HDDC2: variants seen among roughly 807,000 people sequenced by gnomAD.
HDDC2 encodes HD domain containing 2.
Under a neutral mutation model 25.5 loss-of-function variants are expected in HDDC2, and 25 were observed. The observed-to-expected ratio is 0.98, with a 90% CI of 0.72 to 1.37. HDDC2 has a LOEUF of 1.37. HDDC2 is among the 40% of genes most tolerant of loss of function. HDDC2 has a pLI of 0.00. For synonymous variants in HDDC2, 106 were observed against 89.7 expected (o/e 1.18, Z -1.03); for missense variants, 264 against 253.1 (o/e 1.04, Z -0.29).
intron 2 of HDDC2, chr6:125,300,237 T>C: frequency 3.1e-6 from 1 of 324,744 alleles, no homozygotes; most frequent in Non-Finnish European, 5.7e-6. Flanking sequence ...GCACACAGTG[T>C]ACTAATACAA....
chr6:125,286,270 G>A (rs911002194), intron 4 of HDDC2, among the ~76,000 whole-genome samples: 1 of 152,164 alleles, frequency 6.6e-6, no homozygotes, highest in Non-Finnish European at 1.5e-5. Flanking sequence ...GCAGTTAAAA[G>A]GAAAAGGTCA....
chr6:125,279,386 C>T (rs1040021915), intron 4 of HDDC2: 1 of 151,752 alleles, frequency 6.6e-6, no homozygotes, highest in African/African-American at 2.4e-5. Flanking sequence ...AAGAAAAGAC[C>T]CAGATAAAAA....
intron 2 of HDDC2, among the ~76,000 whole-genome samples, chr6:125,299,124 C>A (rs541892810): frequency 6.6e-5 from 10 of 152,308 alleles, no homozygotes; most frequent in African/African-American, 2.2e-4. Flanking sequence ...GTGGCTCACG[C>A]CTGTCATACC....
At chr6:125,293,170 A>G (rs529122208) in intron 3 of HDDC2, 1 of 523,918 alleles carries the variant, frequency 1.9e-6, no homozygotes, top group South Asian at 2.0e-5. Flanking sequence ...AGAAAAGGAC[A>G]ATGAGGAGGT....
At chr6:125,276,454 A>C in intron 5 of HDDC2, 2 of 561,970 alleles carry the variant, frequency 3.6e-6, no homozygotes, top group Non-Finnish European at 6.3e-6. Flanking sequence ...GCAACTGAGA[A>C]TAAGGATGAG....
chr6:125,290,148 G>A (rs1292299674), intron 4 of HDDC2, among the ~76,000 whole-genome samples: 1 of 152,170 alleles, frequency 6.6e-6, no homozygotes, highest in East Asian at 1.9e-4. Flanking sequence ...TCTAAGCTCA[G>A]TGAGTACAGA....
At chr6:125,289,725 G>A (rs60279841) in intron 4 of HDDC2, among the ~76,000 whole-genome samples, 2 of 151,896 alleles carry the variant, frequency 1.3e-5, no homozygotes, top group Non-Finnish European at 2.9e-5. Context: ...TTTTTAAAAG[G>A]GTACTTGTTA....
chr6:125,277,052 CT>C lies in HDDC2; in HGVS notation c.517+49del. 3 of 1,599,244 alleles carry C rather than the reference CT, an allele frequency of 1.9e-6. No individual in the cohort carries two copies. In the South Asian group the frequency reaches 3.4e-5, roughly 18 times the overall value. ...CCTAATATTAACATTAGTCACTACA[CT>C]GAGTAAGCCAAACTAAAATGGACTC... On this transcript the variant is annotated intron_variant, in intron 5 of 5. Coordinates refer to ENST00000398153, the MANE Select transcript of HDDC2 (RefSeq NM_016063.3).
In HDDC2 at chr6:125,277,269, G is replaced by A. The variant is rs750561763; in HGVS notation, c.379-29C>T. On this transcript the variant is annotated intron_variant, in intron 4 of 5. Transcript: ENST00000398153. ...AGTAAAGGGACAATTAAAGCAGCAT[G>A]ATTAGCGCTGCATAATAGGGTATCC... The A allele has an allele frequency of 2.9e-5, 47 of 1,611,280 alleles. No homozygotes were observed. In the South Asian group the frequency reaches 5.0e-4, roughly 17 times the overall value.
chr6:125,291,045 T>C (rs1201558433), intron 4 of HDDC2, among the ~76,000 whole-genome samples: 1 of 152,222 alleles, frequency 6.6e-6, no homozygotes, highest in African/African-American at 2.4e-5. Flanking sequence ...TAGAAGTTTT[T>C]CAAATTAATA....
chr6:125,277,009 G>T, intron 5 of HDDC2, 93 bp downstream of exon 5: 1 of 1,260,078 alleles, frequency 7.9e-7, no homozygotes, highest in Non-Finnish European at 1.1e-6. Flanking sequence ...TCAGATGAAG[G>T]TACCAACAGT....
intron 1 of HDDC2, among the ~76,000 whole-genome samples, chr6:125,301,482 G>GCACACACACGCGCGCGCACACACACA (rs1412473241): frequency 3.3e-5 from 4 of 120,344 alleles, no homozygotes; most frequent in African/African-American, 1.3e-4. Context: ...GGGGTCGTGA[G>GCACACACACGCGCGCGCACACACACA]CACACACACA....
At chr6:125,301,802 C>T in intron 1 of HDDC2, 47 bp downstream of exon 1, 2 of 1,425,222 alleles carry the variant, frequency 1.4e-6, no homozygotes, top group Non-Finnish European at 1.9e-6. Context: ...CGCCGCCCCA[C>T]AGTCCCGCCC....
intron 1 of HDDC2, among the ~76,000 whole-genome samples, chr6:125,301,391 G>C (rs1026009527): frequency 6.6e-6 from 1 of 151,512 alleles, no homozygotes; most frequent in Non-Finnish European, 1.5e-5. Flanking sequence ...TAAAATCTGA[G>C]GAGCCGACAG....
At chr6:125,293,574 T>C (rs1367955510) in intron 3 of HDDC2, among the ~76,000 whole-genome samples, 3 of 152,162 alleles carry the variant, frequency 2.0e-5, no homozygotes, top group African/African-American at 7.2e-5. Context: ...TTTCCAAAAA[T>C]GTGTGCATTG....
intron 4 of HDDC2, among the ~76,000 whole-genome samples, chr6:125,285,909 T>C (rs1798527249): frequency 6.6e-6 from 1 of 152,138 alleles, no homozygotes; most frequent in Non-Finnish European, 1.5e-5. Flanking sequence ...TTTAAAAATG[T>C]CTCTCCCCAT....
chr6:125,285,973 G>T (rs1028258382), intron 4 of HDDC2, among the ~76,000 whole-genome samples: 1 of 152,048 alleles, frequency 6.6e-6, no homozygotes, highest in African/African-American at 2.4e-5. Flanking sequence ...AGGATCCCGG[G>T]ACCTTAAATC....
chr6:125,276,969 C>T, intron 5 of HDDC2, 133 bp downstream of exon 5: 1 of 861,526 alleles, frequency 1.2e-6, no homozygotes, highest in Non-Finnish European at 1.8e-6. Flanking sequence ...GTTTCCTTCC[C>T]TTTCTTTTTA....
chr6:125,282,382 T>C (rs1023233372), intron 4 of HDDC2, among the ~76,000 whole-genome samples: 1 of 150,630 alleles, frequency 6.6e-6, no homozygotes, highest in Non-Finnish European at 1.5e-5. Flanking sequence ...AAAGAAAAGA[T>C]TTTCAACTCA....
Sources: gnomAD v4.1 joint callset for allele counts (sites outside exome capture counted in the v4.1 genomes callset) on GRCh38, gnomAD v4.1.1 for gene constraint, MANE v1.5 for transcripts, NCBI Gene and HGNC (gene_info 2026-07-23, HGNC 2026-07-21) for gene names.